The following FARS2 variants were observed in gnomAD, a reference collection of about 807,000 sequenced individuals.
FARS2 encodes phenylalanine--tRNA ligase, mitochondrial.
In FARS2, 40 loss-of-function variants were observed where a neutral mutation model predicts 46.4. The ratio of observed to expected loss-of-function variants is 0.86; its 90% CI spans 0.67 to 1.12. The LOEUF (loss-of-function observed/expected upper bound fraction) is 1.12, where lower values mean the gene tolerates loss of function less well. Ranked by LOEUF, FARS2 falls within the 50% of genes most tolerant of loss-of-function variation. The pLI, the probability that FARS2 is intolerant of heterozygous loss-of-function variation, is 0.00. For missense variants in FARS2, 513 were observed against 567.9 expected (o/e 0.90, Z 0.98); for synonymous variants, 234 against 214.9 (o/e 1.09, Z -0.78).
chr6:5,276,625 C>T (rs1208014893), intron 1 of FARS2, among the ~76,000 whole-genome samples: 1 of 152,200 alleles, frequency 6.6e-6, no homozygotes, highest in African/African-American at 2.4e-5. Flanking sequence ...GGAATGGCTG[C>T]ATCCTCAACA....
At chr6:5,573,001 A>G (rs770914091) in intron 5 of FARS2, among the ~76,000 whole-genome samples, 1 of 152,200 alleles carries the variant, frequency 6.6e-6, no homozygotes, top group Non-Finnish European at 1.5e-5. Context: ...TCCTTAGCAC[A>G]ATATCGAAAA....
At chr6:5,422,410 T>C (rs969815962) in intron 3 of FARS2, among the ~76,000 whole-genome samples, 1 of 152,082 alleles carries the variant, frequency 6.6e-6, no homozygotes, top group Non-Finnish European at 1.5e-5. Context: ...GTCACTGTTG[T>C]GTGTTAGGAG....
chr6:5,481,329 C>T (rs1018885344), intron 4 of FARS2, among the ~76,000 whole-genome samples: 3 of 152,206 alleles, frequency 2.0e-5, no homozygotes, highest in African/African-American at 7.2e-5. Flanking sequence ...AAGCTTTTAG[C>T]CACAGCCACC....
chr6:5,522,449 A>T (rs1423731998), intron 4 of FARS2, among the ~76,000 whole-genome samples: 1 of 152,232 alleles, frequency 6.6e-6, no homozygotes, highest in Non-Finnish European at 1.5e-5. Flanking sequence ...GACTTGACAA[A>T]GTTTGTTGAT....
intron 4 of FARS2, among the ~76,000 whole-genome samples, chr6:5,513,562 G>T (rs778868783): frequency 6.6e-6 from 1 of 152,208 alleles, no homozygotes; most frequent in African/African-American, 2.4e-5. Context: ...CATCCAGGGC[G>T]CCTGTGTCTT....
At chr6:5,704,854 G>A (rs1582801162) in intron 6 of FARS2, among the ~76,000 whole-genome samples, 1 of 152,194 alleles carries the variant, frequency 6.6e-6, no homozygotes, top group African/African-American at 2.4e-5. Flanking sequence ...GTAGTTGTCT[G>A]TTAACGGAAT....
intron 1 of FARS2, among the ~76,000 whole-genome samples, chr6:5,357,377 C>G (rs965128688): frequency 7.9e-5 from 12 of 152,166 alleles, no homozygotes; most frequent in African/African-American, 2.9e-4. Flanking sequence ...AAAACATTGT[C>G]TGAAGCAACT....
intron 6 of FARS2, among the ~76,000 whole-genome samples, chr6:5,620,118 CTT>C (rs1199456195): frequency 6.6e-6 from 1 of 151,964 alleles, no homozygotes; most frequent in Non-Finnish European, 1.5e-5. Context: ...CCTGGTAACT[CTT>C]TGTCCTGTGC....
intron 3 of FARS2, among the ~76,000 whole-genome samples, chr6:5,405,334 G>A (rs1761504531): frequency 6.6e-6 from 1 of 152,072 alleles, no homozygotes; most frequent in Non-Finnish European, 1.5e-5. Context: ...GAAACTTTTA[G>A]CTAGAGAAAG....
chr6:5,537,571 TCTCG>T (rs1485778149), intron 4 of FARS2, among the ~76,000 whole-genome samples: 14 of 142,284 alleles, frequency 9.8e-5, no homozygotes, highest in African/African-American at 3.8e-4. Context: ...CCGGGCTTCC[TCTCG>T]AGTTGGAGAT....
chr6:5,284,538 T>C (rs1215363138), intron 1 of FARS2, among the ~76,000 whole-genome samples: 1 of 152,160 alleles, frequency 6.6e-6, no homozygotes, highest in East Asian at 1.9e-4. Flanking sequence ...TTGTTAACAT[T>C]TTATTTGAGA....
intron 4 of FARS2, among the ~76,000 whole-genome samples, chr6:5,506,896 GAGAGGCTA>G (rs1163694354): frequency 1.3e-5 from 2 of 152,196 alleles, no homozygotes; most frequent in Non-Finnish European, 2.9e-5. Context: ...TTTTCACAGA[GAGAGGCTA>G]AGAGGCTAAC....
intron 6 of FARS2, among the ~76,000 whole-genome samples, chr6:5,717,630 A>G (rs1759586677): frequency 1.3e-5 from 2 of 152,100 alleles, no homozygotes; most frequent in Non-Finnish European, 2.9e-5. Flanking sequence ...TGAGTGGTGT[A>G]TCTACTTACT....
chr6:5,542,071 A>T (rs932640092), intron 4 of FARS2, among the ~76,000 whole-genome samples: 10 of 152,194 alleles, frequency 6.6e-5, no homozygotes, highest in African/African-American at 2.4e-4. Context: ...TTTTGTCGCC[A>T]TCTTGGATTT....
intron 5 of FARS2, among the ~76,000 whole-genome samples, chr6:5,557,041 T>C (rs1216513240): frequency 6.6e-6 from 1 of 152,156 alleles, no homozygotes; most frequent in East Asian, 1.9e-4. Flanking sequence ...GTTAAAAAGT[T>C]ACAGTTGTAG....
intron 4 of FARS2, among the ~76,000 whole-genome samples, chr6:5,517,179 A>G (rs1301774844): frequency 3.3e-5 from 5 of 152,214 alleles, no homozygotes; most frequent in Admixed American, 6.5e-5. Context: ...ACAAAGGTGT[A>G]AAAAAGCACA....
At chr6:5,446,709 G>A (rs1764206369) in intron 4 of FARS2, among the ~76,000 whole-genome samples, 2 of 152,176 alleles carry the variant, frequency 1.3e-5, no homozygotes, top group South Asian at 4.1e-4. Context: ...GAGGGAAGAG[G>A]AGGTTTTTAA....
Position 5,369,042 on chromosome 6 carries a change from G to A in FARS2, c.472G>A (p.Ala158Thr). The A allele has an allele frequency of 6.2e-7, 1 of 1,614,164 alleles. No individual in the cohort carries two copies. Among genetic ancestry groups the A allele is most frequent in the Non-Finnish European group, 8.5e-7 (1 of 1,180,038 alleles). Residue 158 changes from alanine (A) to threonine (T), a missense_variant, in exon 2 of 7, where the codon GCA becomes ACA. Ala to Thr is a moderately conservative substitution (Grantham distance 58, BLOSUM62 0). Coordinates refer to ENST00000274680, the MANE Select transcript of FARS2 (RefSeq NM_006567.5). ...TCACATGCTGAGAGCGCACACGTCT[G>A]CACACCAGTGGGACTTGCTGCACGC... The part of the protein sequence containing the change: ...RTHMLRAHTS[A>T]HQWDLLHAGL...
intron 3 of FARS2, among the ~76,000 whole-genome samples, chr6:5,407,809 A>G (rs1761701087): frequency 6.6e-6 from 1 of 152,226 alleles, no homozygotes. Flanking sequence ...CTTTGCTTTC[A>G]TGATAAAAGA....
Sources: gnomAD v4.1 joint callset for allele counts (sites outside exome capture counted in the v4.1 genomes callset) on GRCh38, gnomAD v4.1.1 for gene constraint, MANE v1.5 for transcripts, NCBI Gene and HGNC (gene_info 2026-07-23, HGNC 2026-07-21) for gene names.